Variants in PDZRN4 observed in about 807,000 individuals in gnomAD.
PDZRN4 encodes the protein PDZ domain containing ring finger 4, also known as PDZ domain-containing RING finger protein 4.
In PDZRN4, 70 loss-of-function variants were observed where a neutral mutation model predicts 99.0. That is an observed-to-expected ratio of 0.71 (90% CI 0.58 to 0.86). PDZRN4 has a LOEUF of 0.86. Among genes scored for constraint, PDZRN4 ranks in the 40% least tolerant of loss-of-function variants. PDZRN4 has a pLI of 0.00. For missense variants in PDZRN4, 1,474 were observed against 1,331.2 expected (o/e 1.11, Z -1.67); for synonymous variants, 551 against 501.6 (o/e 1.10, Z -1.32).
chr12:41,457,157 G>T (rs547626293), intron 3 of PDZRN4, among the ~76,000 whole-genome samples: 3 of 151,536 alleles, frequency 2.0e-5, no homozygotes, highest in African/African-American at 4.9e-5. Flanking sequence ...ATTCTTTATT[G>T]TTCCCAGGGC....
At chr12:41,495,407 T>TA (rs1189149751) in intron 3 of PDZRN4, among the ~76,000 whole-genome samples, 12 of 152,198 alleles carry the variant, frequency 7.9e-5, no homozygotes, top group Non-Finnish European at 1.5e-5. Flanking sequence ...TGGGAATAGA[T>TA]ACCGAGGCTG....
intron 7 of PDZRN4, among the ~76,000 whole-genome samples, chr12:41,559,997 T>C (rs529900845): frequency 4.6e-5 from 7 of 152,256 alleles, no homozygotes; most frequent in African/African-American, 1.7e-4. Flanking sequence ...TGTGAACCAA[T>C]TAATCCTCTT....
intron 3 of PDZRN4, among the ~76,000 whole-genome samples, chr12:41,406,507 T>A (rs1952351223): frequency 6.6e-6 from 1 of 152,196 alleles, no homozygotes; most frequent in South Asian, 2.1e-4. Flanking sequence ...ATCCAACTTA[T>A]GACTTCTCAT....
At chr12:41,327,597 T>C (rs1310878300) in intron 3 of PDZRN4, among the ~76,000 whole-genome samples, 1 of 152,132 alleles carries the variant, frequency 6.6e-6, no homozygotes, top group Non-Finnish European at 1.5e-5. Flanking sequence ...GCATGCGAGC[T>C]CTCAGCACAC....
chr12:41,486,717 C>T (rs899678111), intron 3 of PDZRN4, among the ~76,000 whole-genome samples: 3 of 152,042 alleles, frequency 2.0e-5, no homozygotes, highest in African/African-American at 4.8e-5. Flanking sequence ...AGAGCTTTCT[C>T]GGAAAGTTGT....
rs376217472 is a variant in PDZRN4, at chr12:41,568,622, T to C, written c.1584+723T>C. 1.8e-4 allele frequency among the ~76,000 whole-genome samples: 28 copies of C among 152,290 alleles called. No homozygotes were observed. The South Asian group carries it at 5.8e-3, about 32-fold the overall frequency. Reference sequence around the variant, plus strand: ...CTGCTGTCCTTAATGGATTCATAACTAGTAAAAGATCACAGTGTGATTAGT... The same window carrying C: ...CTGCTGTCCTTAATGGATTCATAACCAGTAAAAGATCACAGTGTGATTAGT... On this transcript the variant is annotated intron_variant, in intron 9 of 9. Transcript: ENST00000402685.
rs143584173 is a variant in PDZRN4, at chr12:41,359,095, T to C, written c.844-147361T>C. Among the ~76,000 whole-genome samples, 332 of 152,170 alleles carry C rather than the reference T, an allele frequency of 2.2e-3. 1 individual carries two copies. Among genetic ancestry groups the C allele is most frequent in the African/African-American group, 7.4e-3 (307 of 41,556 alleles). On this transcript the variant is annotated intron_variant, in intron 3 of 9. Coordinates refer to ENST00000402685, the MANE Select transcript of PDZRN4 (RefSeq NM_001164595.2). ...TGGGTGACTTACCGCAAGTCTTTCC[T>C]TCTCTCTGGCCTTTACATTTCTCGT... is the stretch of plus-strand genomic sequence containing the variant.
intron 7 of PDZRN4, among the ~76,000 whole-genome samples, chr12:41,561,625 A>G (rs1158541438): frequency 3.4e-5 from 5 of 148,082 alleles, no homozygotes; most frequent in African/African-American, 1.2e-4. Context: ...ATATATATAT[A>G]TGTACAGTCA....
intron 3 of PDZRN4, among the ~76,000 whole-genome samples, chr12:41,228,081 G>A (rs574352320): frequency 6.6e-6 from 1 of 152,144 alleles, no homozygotes; most frequent in East Asian, 1.9e-4. Context: ...AAAATAAAAT[G>A]GTACAGGAAA....
At chr12:41,560,817 A>C (rs758302824) in intron 7 of PDZRN4, among the ~76,000 whole-genome samples, 1 of 152,090 alleles carries the variant, frequency 6.6e-6, no homozygotes, top group Non-Finnish European at 1.5e-5. Flanking sequence ...CTTTGCTGAA[A>C]CCCATGGCTA....
chr12:41,435,297 T>C (rs1952618624), intron 3 of PDZRN4, among the ~76,000 whole-genome samples: 1 of 152,238 alleles, frequency 6.6e-6, no homozygotes, highest in Non-Finnish European at 1.5e-5. Flanking sequence ...GTTTCATTGT[T>C]CTTTAAATGC....
At chr12:41,231,047 G>A (rs575453457) in intron 3 of PDZRN4, among the ~76,000 whole-genome samples, 3 of 152,018 alleles carry the variant, frequency 2.0e-5, no homozygotes, top group African/African-American at 4.8e-5. Context: ...GTGTACACAC[G>A]TGCATGTGTG....
rs564027434 is a variant in PDZRN4 at position 41,319,131 on chromosome 12, A to G, written c.843+124943A>G. ...TACAAATGAGATCGTGGTCGCATTAATGCCTAAATTCTGACACTTATTTCA... is the reference window on the plus strand; with the variant it reads ...TACAAATGAGATCGTGGTCGCATTAGTGCCTAAATTCTGACACTTATTTCA... On this transcript the variant is annotated intron_variant, in intron 3 of 9. Coordinates refer to ENST00000402685, the MANE Select transcript of PDZRN4 (RefSeq NM_001164595.2). Among the ~76,000 whole-genome samples, 194 of 152,262 alleles carry G rather than the reference A, an allele frequency of 1.3e-3. 1 individual carries two copies. The highest frequency in any genetic ancestry group is 4.3e-3 in the African/African-American group (180 of 41,566).
At chr12:41,269,687 C>G (rs1591991609) in intron 3 of PDZRN4, among the ~76,000 whole-genome samples, 1 of 152,070 alleles carries the variant, frequency 6.6e-6, no homozygotes, top group South Asian at 2.1e-4. Context: ...GTTCAAGACT[C>G]TATATGCCAT....
chr12:41,442,617 C>G (rs1952688727), intron 3 of PDZRN4, among the ~76,000 whole-genome samples: 1 of 152,170 alleles, frequency 6.6e-6, no homozygotes, highest in Admixed American at 6.5e-5. Flanking sequence ...CTCTGTCTTC[C>G]TCTCTACTTT....
In PDZRN4 at chr12:41,566,769, A is replaced by C. The variant is rs574630611; in HGVS notation, c.1468-1014A>C. On this transcript the variant is annotated intron_variant, in intron 8 of 9. Transcript: ENST00000402685. The stretch of plus-strand genomic sequence containing the variant: ...ATTTTGCCAGTTCATTGGTGGTGAA[A>C]ATATCTCAAACTATTATCCATGTTT... Among the ~76,000 whole-genome samples, 40 of 152,270 alleles carry C rather than the reference A, an allele frequency of 2.6e-4. 1 individual carries two copies. The South Asian group carries it at 8.1e-3, about 31-fold the overall frequency.
chr12:41,386,210 C>G (rs953064990), intron 3 of PDZRN4, among the ~76,000 whole-genome samples: 2 of 152,164 alleles, frequency 1.3e-5, no homozygotes, highest in Non-Finnish European at 2.9e-5. Flanking sequence ...CAACATCATA[C>G]TGAATGGGCA....
chr12:41,262,418 CA>C (rs1188634641), intron 3 of PDZRN4, among the ~76,000 whole-genome samples: 1 of 152,036 alleles, frequency 6.6e-6, no homozygotes, highest in Non-Finnish European at 1.5e-5. Context: ...CCTGAGTATG[CA>C]AAAATGAGTA....
chr12:41,492,484 G>T (rs935079789), intron 3 of PDZRN4, among the ~76,000 whole-genome samples: 8 of 152,148 alleles, frequency 5.3e-5, no homozygotes, highest in Non-Finnish European at 7.4e-5. Flanking sequence ...AAGCCATCAT[G>T]TTGCTGCAAG....
Sources: gnomAD v4.1 joint callset for allele counts (sites outside exome capture counted in the v4.1 genomes callset) on GRCh38, gnomAD v4.1.1 for gene constraint, MANE v1.5 for transcripts, NCBI Gene and HGNC (gene_info 2026-07-23, HGNC 2026-07-21) for gene names.